Variants in ARSD observed in about 807,000 individuals in gnomAD.
ARSD encodes arylsulfatase D.
A neutral mutation model predicts 32.6 loss-of-function variants in ARSD; 21 were observed. The ratio of observed to expected loss-of-function variants is 0.64; its 90% CI spans 0.46 to 0.93. The LOEUF (loss-of-function observed/expected upper bound fraction) is 0.93. Ranked by LOEUF, ARSD falls within the 40% of genes least tolerant of loss-of-function variation. The pLI, the probability that ARSD is intolerant of heterozygous loss-of-function variation, is 0.00. For synonymous variants in ARSD, 224 were observed against 237.4 expected (o/e 0.94, Z 0.52); for missense variants, 454 against 520.9 (o/e 0.87, Z 1.25).
In ARSD at chrX:2,920,185, G is replaced by A. The variant is rs189736644; in HGVS notation, c.439+416C>T. 1.1e-3 allele frequency among the ~76,000 whole-genome samples: 124 copies of A among 110,089 alleles called. 2 individuals are homozygous for A. The highest frequency in any genetic ancestry group is 5.7e-4 in the East Asian group (2 of 3,488). On this transcript the variant is annotated intron_variant, in intron 4 of 9. Transcript: ENST00000381154. ...GTCTGAAGAAGGTCGTGATAAATGG[G>A]GACAAGCTGAAGACTGATAGGTCCA...
intron 9 of ARSD, among the ~76,000 whole-genome samples, chrX:2,908,497 A>C (rs1428125654): frequency 7.2e-5 from 7 of 97,879 alleles, no homozygotes; most frequent in East Asian, 3.3e-4. Flanking sequence ...TCCATCATCT[A>C]TCCATTATGT....
intron 8 of ARSD, 131 bp downstream of exon 8, chrX:2,909,683 CAAA>C (rs751282477): frequency 0.022 from 6,000 of 278,095 alleles, no homozygotes; most frequent in East Asian, 0.043. Context: ...GACTCTGTCT[CAAA>C]AAAAAAAAAA....
rs750814355 is a variant in ARSD, at chrX:2,924,529, C to T, written c.194+1087G>A. 1.3e-4 allele frequency among the ~76,000 whole-genome samples: 15 copies of T among 113,304 alleles called. 1 individual carries two copies. The South Asian group carries it at 1.8e-3, about 13-fold the overall frequency. On this transcript the variant is annotated intron_variant, in intron 2 of 9. Transcript: ENST00000381154. ...ACCTTTTCTCCTGTTGCAGAAAGCA[C>T]GTGAGCACCACTCAAGCGCTCTGCT...
chrX:2,921,793 A>T, intron 3 of ARSD, 110 bp downstream of exon 3: 1 of 927,372 alleles, frequency 1.1e-6, no homozygotes, highest in Non-Finnish European at 1.5e-6. Context: ...ATTGCAGGTG[A>T]TCTTTGTACC....
In ARSD at chrX:2,909,080, G is replaced by GCACA. The variant is rs60574020; in HGVS notation, c.1299-242_1299-239dup. Among the ~76,000 whole-genome samples the GCACA allele has an allele frequency of 4.5e-3, 478 of 105,918 alleles. 4 individuals carry two copies. The highest frequency in any genetic ancestry group is 0.017 in the East Asian group (58 of 3,332). 92.0% of individuals were successfully genotyped at this position (105,918 alleles called of 115,157 possible). The stretch of plus-strand genomic sequence containing the variant: ...TTATGCAGCACTGCATAAGCAGAGT[G>GCACA]CACACACACACACACACACACACCC... On this transcript the variant is annotated intron_variant, in intron 8 of 9. Coordinates refer to ENST00000381154, the MANE Select transcript of ARSD (RefSeq NM_001669.4).
intron 7 of ARSD, 64 bp from the exon 8 acceptor site, chrX:2,910,043 T>G: frequency 8.5e-7 from 1 of 1,180,600 alleles, no homozygotes; most frequent in African/African-American, 1.8e-5. Context: ...CACATCTGGA[T>G]GTATTTGTGC....
At chrX:2,922,164 G>A (rs1227822812) in intron 2 of ARSD, 140 bp from the exon 3 acceptor site, 6 of 782,804 alleles carry the variant, frequency 7.7e-6, no homozygotes, top group Admixed American at 4.1e-5. Context: ...CTCCTGCAGC[G>A]GTAGATTGAC....
intron 5 of ARSD, among the ~76,000 whole-genome samples, chrX:2,916,442 GA>G (rs1159537847): frequency 9.2e-6 from 1 of 108,340 alleles, no homozygotes; most frequent in African/African-American, 3.4e-5. Flanking sequence ...AGGTTGCAGT[GA>G]GCCATGATCA....
rs779385291 is a variant in ARSD at position 2,914,382 on chromosome X, A to C, written c.1000+1174T>G. 5.8e-5 allele frequency: 25 copies of C among 432,771 alleles called. No individual in the cohort carries two copies. The South Asian group carries it at 1.3e-3, about 22-fold the overall frequency. The allele number at this position is 432,771 out of a possible 1,213,427, so 35.7% of individuals were successfully genotyped here. Reference sequence around the variant, plus strand: ...GGAGTAGCTGGGACCACAGGTGCACACCACCATGGCTAATTTTTTAAATTT... The same window carrying C: ...GGAGTAGCTGGGACCACAGGTGCACCCCACCATGGCTAATTTTTTAAATTT... On this transcript the variant is annotated intron_variant, in intron 6 of 9. Transcript: ENST00000381154.
intron 1 of ARSD, among the ~76,000 whole-genome samples, chrX:2,927,167 T>A (rs1446062603): frequency 1.8e-5 from 2 of 109,406 alleles, no homozygotes; most frequent in Non-Finnish European, 3.8e-5. Context: ...GAGAATAGGG[T>A]CTGGAGGCAG....
intron 6 of ARSD, among the ~76,000 whole-genome samples, chrX:2,911,103 G>T (rs1462155169): frequency 8.9e-6 from 1 of 112,202 alleles, no homozygotes; most frequent in Non-Finnish European, 1.9e-5. Context: ...CGGGCCTGGC[G>T]GCTCACACCT....
At chrX:2,909,151 A>G (rs2088880433) in intron 8 of ARSD, among the ~76,000 whole-genome samples, 2 of 110,431 alleles carry the variant, frequency 1.8e-5, no homozygotes, top group Admixed American at 9.6e-5. Flanking sequence ...AAGCCTTCAA[A>G]TTCCAGCTGG....
chrX:2,910,219 G>T (rs1160822481), intron 7 of ARSD, among the ~76,000 whole-genome samples: 1 of 110,246 alleles, frequency 9.1e-6, no homozygotes, highest in Non-Finnish European at 1.9e-5. Context: ...GTCGATCTAT[G>T]CTACCTTTAT....
At chrX:2,910,212 G>A (rs767278867) in intron 7 of ARSD, among the ~76,000 whole-genome samples, 103 of 110,048 alleles carry the variant, frequency 9.4e-4, no homozygotes, top group African/African-American at 3.2e-3. Flanking sequence ...TGTTCTAGTC[G>A]ATCTATGCTA....
Position 2,907,048 on chromosome X carries a change from C to T in ARSD, c.*223G>A. 2 of 334,534 alleles carry T rather than the reference C, an allele frequency of 6.0e-6. No homozygotes were observed. Among genetic ancestry groups the T allele is most frequent in the Non-Finnish European group, 1.0e-5 (2 of 194,830 alleles). 27.6% of individuals were successfully genotyped at this position (334,534 alleles called of 1,213,427 possible). A position where few individuals can be genotyped will look rare whatever the true frequency, so the allele number is the denominator to read the frequency against. On this transcript the variant is annotated 3_prime_UTR_variant, in exon 10 of 10. Coordinates refer to ENST00000381154, the MANE Select transcript of ARSD (RefSeq NM_001669.4). ...AGGAAAATCGCTTGAACCCGGGAGG[C>T]GGAGGTTGCAGTGAGCAGAGATCGT...
In ARSD at chrX:2,920,707, A is replaced by G. The variant is rs774536419; in HGVS notation, c.333T>C (p.Asn111=). ...HSFRSGMDAS[N]GYRALQWNAG... Reference sequence around the variant, plus strand: ...CGTTCCACTGAAGGGCCCGGTATCCATTGCTGGCGTCCATGCCTGTGGGGC... The same window carrying G: ...CGTTCCACTGAAGGGCCCGGTATCCGTTGCTGGCGTCCATGCCTGTGGGGC... Residue 111 remains asparagine (N), a synonymous_variant, in exon 4 of 10, where the codon AAT becomes AAC. Transcript: ENST00000381154. 41 of 1,209,931 alleles carry G rather than the reference A, an allele frequency of 3.4e-5. No individual in the cohort carries two copies. The highest frequency in any genetic ancestry group is 3.9e-5 in the Non-Finnish European group (35 of 895,220).
intron 2 of ARSD, among the ~76,000 whole-genome samples, chrX:2,924,022 G>C (rs1417045060): frequency 8.9e-6 from 1 of 112,367 alleles, no homozygotes; most frequent in South Asian, 3.7e-4. Flanking sequence ...TCCCTGGACA[G>C]GGGGCAGATT....
At chrX:2,914,425 G>A (rs1482001266) in intron 6 of ARSD, 12 of 501,615 alleles carry the variant, frequency 2.4e-5, no homozygotes, top group Non-Finnish European at 1.5e-5. Context: ...AGATGGGGGG[G>A]GGGGGCGTCT....
intron 9 of ARSD, 185 bp from the exon 10 acceptor site, chrX:2,907,817 C>T (rs2088865171): frequency 5.0e-6 from 5 of 994,757 alleles, no homozygotes; most frequent in South Asian, 4.6e-5. Flanking sequence ...TGTGTGCGCG[C>T]GTGCGCCCAT....
Sources: gnomAD v4.1 joint callset for allele counts (sites outside exome capture counted in the v4.1 genomes callset) on GRCh38, gnomAD v4.1.1 for gene constraint, MANE v1.5 for transcripts, NCBI Gene and HGNC (gene_info 2026-07-23, HGNC 2026-07-21) for gene names.